SLC35E2B: variants seen among roughly 807,000 people sequenced by gnomAD.
SLC35E2B encodes solute carrier family 35, member E2B.
SLC35E2B carries 18 observed loss-of-function variants against 32.4 expected under a neutral mutation model. The ratio of observed to expected loss-of-function variants is 0.56; its 90% CI spans 0.38 to 0.82. SLC35E2B has a LOEUF of 0.82. SLC35E2B is among the 40% of genes least tolerant of loss of function. SLC35E2B has a pLI of 0.00. For missense variants in SLC35E2B, 263 were observed against 469.5 expected, an observed-to-expected ratio of 0.56 and a Z score of 4.06; for synonymous variants, 132 against 209.1, an observed-to-expected ratio of 0.63 and a Z score of 3.18.
At chr1:1,687,880 G>C (rs1368849297) in intron 2 of SLC35E2B, among the ~76,000 whole-genome samples, 1 of 152,060 alleles carries the variant, frequency 6.6e-6, no homozygotes, top group Non-Finnish European at 1.5e-5. Context: ...GGCAAAGAGC[G>C]AGACTGTCTA....
At position 1,664,623 on chromosome 1, in the gene SLC35E2B, CAGG is replaced by C. The variant is rs1234111791; in HGVS notation, c.*1156_*1158del. The C allele has an allele frequency of 2.5e-6, 2 of 806,080 alleles. No homozygotes were observed. Among genetic ancestry groups the C allele is most frequent in the South Asian group, 5.5e-5 (1 of 18,220 alleles). The allele number at this position is 806,080 out of a possible 1,614,324, so 49.9% of individuals were successfully genotyped here. ...CCTGCGCCCTCGGGGGTGCGTGACA[CAGG>C]AGGATGAGTTGAGCTGGCTGGTGGC... On this transcript the variant is annotated 3_prime_UTR_variant, in exon 10 of 10. Coordinates refer to ENST00000617444, the MANE Select transcript of SLC35E2B (RefSeq NM_001290264.2).
chr1:1,670,270 C>G, intron 6 of SLC35E2B, 119 bp from the exon 7 acceptor site: 1 of 697,462 alleles, frequency 1.4e-6, no homozygotes, highest in Non-Finnish European at 2.5e-6. Flanking sequence ...CAGTGGTGCC[C>G]GCCACCACGC....
At chr1:1,674,623 A>G (rs1466564744) in intron 5 of SLC35E2B, among the ~76,000 whole-genome samples, 1 of 138,552 alleles carries the variant, frequency 7.2e-6, no homozygotes, top group Non-Finnish European at 1.6e-5. Flanking sequence ...TCTCAAAAAC[A>G]TAAAAAAAAC....
intron 2 of SLC35E2B, among the ~76,000 whole-genome samples, chr1:1,685,764 G>C (rs1413724800): frequency 1.3e-5 from 2 of 152,090 alleles, no homozygotes; most frequent in East Asian, 3.9e-4. Flanking sequence ...TGGACACAAG[G>C]GCTCCAGACA....
rs1459621807 is a variant in SLC35E2B, at chr1:1,662,629, A to C, written c.*3153T>G. 9 of 828,682 alleles carry C rather than the reference A, an allele frequency of 1.1e-5. 1 individual carries two copies. Among genetic ancestry groups the C allele is most frequent in the Non-Finnish European group, 1.3e-5 (9 of 686,224 alleles). 51.3% of individuals were successfully genotyped at this position (828,682 alleles called of 1,614,324 possible). A position where few individuals can be genotyped will look rare whatever the true frequency, so the allele number is the denominator to read the frequency against. On this transcript the variant is annotated 3_prime_UTR_variant, in exon 10 of 10. Transcript: ENST00000617444. ...AGTGTTCTCATCTTTCCAGGCAGGC[A>C]GATTATTTTAATGCTGTTATACAGG...
At chr1:1,673,366 G>T (rs1443019810) in intron 5 of SLC35E2B, 1 of 451,742 alleles carries the variant, frequency 2.2e-6, no homozygotes, top group Non-Finnish European at 4.5e-6. Flanking sequence ...ACTGAAGTTG[G>T]TGGTGGTGAG....
intron 2 of SLC35E2B, among the ~76,000 whole-genome samples, chr1:1,678,149 A>C (rs1643869629): frequency 6.6e-6 from 1 of 151,802 alleles, no homozygotes; most frequent in African/African-American, 2.4e-5. Flanking sequence ...TCCTCGTCTC[A>C]CTTCTCCCCC....
At chr1:1,679,107 G>A (rs896262024) in intron 2 of SLC35E2B, among the ~76,000 whole-genome samples, 4 of 152,030 alleles carry the variant, frequency 2.6e-5, no homozygotes, top group South Asian at 2.1e-4. Context: ...CACAGCACCC[G>A]CTACACAGGC....
chr1:1,673,918 G>C (rs186062892), intron 5 of SLC35E2B: 48 of 150,642 alleles, frequency 3.2e-4, no homozygotes, highest in Non-Finnish European at 2.7e-4. Flanking sequence ...AGCCAAGATC[G>C]TGCCACTGCA....
At chr1:1,673,524 T>G (rs1235027275) in intron 5 of SLC35E2B, 31 of 230,918 alleles carry the variant, frequency 1.3e-4, no homozygotes, top group Non-Finnish European at 1.8e-4. Context: ...AAAAATTAGC[T>G]GGGTGTGGGG....
At chr1:1,684,386 C>T (rs893385404) in intron 2 of SLC35E2B, among the ~76,000 whole-genome samples, 3 of 152,160 alleles carry the variant, frequency 2.0e-5, no homozygotes, top group Non-Finnish European at 2.9e-5. Flanking sequence ...TGCTTTCCCA[C>T]CATCATAAAG....
At chr1:1,668,200 C>T (rs1570311988) in intron 9 of SLC35E2B, 127 bp downstream of exon 9, 3 of 1,383,522 alleles carry the variant, frequency 2.2e-6, no homozygotes, top group Non-Finnish European at 2.9e-6. Flanking sequence ...CTAGTAATTA[C>T]ACTGCATAGC....
intron 5 of SLC35E2B, among the ~76,000 whole-genome samples, chr1:1,674,867 C>A (rs543170390): frequency 6.6e-6 from 1 of 152,284 alleles, no homozygotes; most frequent in East Asian, 1.9e-4. Context: ...CAAGACGCCG[C>A]GCTCTGTGGG....
Position 1,670,126 on chromosome 1 carries a change from G to A in SLC35E2B, c.733C>T (p.Leu245=). 2 of 1,551,720 alleles carry A rather than the reference G, an allele frequency of 1.3e-6. No homozygotes were observed. The highest frequency in any genetic ancestry group is 1.7e-6 in the Non-Finnish European group (2 of 1,146,716). The stretch of plus-strand genomic sequence containing the variant: ...AACCTGTATTTGTCCCCGCTGAGCA[G>A]CTTTTTTGAAAAAACATTTTGCAAA... The part of the protein sequence containing the change: ...DCLQNVFSKK[L]LSGDKYRFSA... Residue 245 remains leucine, a synonymous_variant, in exon 7 of 10, where the codon CTG becomes TTG. Coordinates refer to ENST00000617444, the MANE Select transcript of SLC35E2B (RefSeq NM_001290264.2).
intron 2 of SLC35E2B, among the ~76,000 whole-genome samples, chr1:1,678,533 C>T (rs748354213): frequency 9.9e-5 from 15 of 152,224 alleles, no homozygotes; most frequent in South Asian, 8.3e-4. Context: ...GCCACCCAGA[C>T]GCTCCCAGGC....
At position 1,691,378 on chromosome 1, in the gene SLC35E2B, G is replaced by A. The variant is rs571278369; in HGVS notation, c.-550C>T. 9.4e-5 allele frequency: 14 copies of A among 148,742 alleles called. No homozygotes were observed. The highest frequency in any genetic ancestry group is 3.5e-4 in the African/African-American group (14 of 39,960). The allele number at this position is 148,742 out of a possible 1,614,324, so 9.2% of individuals were successfully genotyped here. ...TTCTGCTGTCTGGGCACAGCTCCCC[G>A]GGTGGAGCCCGAGGACTAGAAGGAA... On this transcript the variant is annotated 5_prime_UTR_variant, in exon 2 of 10. Transcript: ENST00000617444.
Position 1,671,338 on chromosome 1 carries a change from A to G in SLC35E2B, c.707+171T>C, listed in dbSNP as rs1378830859. On this transcript the variant is annotated intron_variant, in intron 6 of 9. Coordinates refer to ENST00000617444, the MANE Select transcript of SLC35E2B (RefSeq NM_001290264.2). Reference sequence around the variant, plus strand: ...CCTGAAATTTCGGCTTATTTTTGAGAAACTTACCTGCCGGGGATACCTGTT... The same window carrying G: ...CCTGAAATTTCGGCTTATTTTTGAGGAACTTACCTGCCGGGGATACCTGTT... The G allele has an allele frequency of 6.7e-6, 5 of 744,390 alleles. No homozygotes were observed. The Admixed American group carries it at 2.2e-4, about 32-fold the overall frequency. 46.1% of individuals were successfully genotyped at this position (744,390 alleles called of 1,614,324 possible). A position where few individuals can be genotyped will look rare whatever the true frequency, so the allele number is the denominator to read the frequency against.
chr1:1,677,662 T>C (rs1643865428), intron 2 of SLC35E2B, among the ~76,000 whole-genome samples: 2 of 151,592 alleles, frequency 1.3e-5, no homozygotes, highest in South Asian at 4.2e-4. Context: ...TAATTTTTTT[T>C]TTTTTAGTAG....
intron 2 of SLC35E2B, among the ~76,000 whole-genome samples, chr1:1,687,380 G>C (rs1337572245): frequency 6.6e-6 from 1 of 151,976 alleles, no homozygotes; most frequent in East Asian, 1.9e-4. Flanking sequence ...AGTTCTAGAC[G>C]AGCCTGGGCA....
Sources: gnomAD v4.1 joint callset for allele counts (sites outside exome capture counted in the v4.1 genomes callset) on GRCh38, gnomAD v4.1.1 for gene constraint, MANE v1.5 for transcripts, NCBI Gene and HGNC (gene_info 2026-07-23, HGNC 2026-07-21) for gene names.